CCDC27: variants seen among roughly 807,000 people sequenced by gnomAD.
CCDC27 encodes the protein coiled-coil domain containing 27.
Under a neutral mutation model 80.3 loss-of-function variants are expected in CCDC27, and 80 were observed. The observed-to-expected ratio is 1.00, with a 90% CI of 0.83 to 1.20. The LOEUF (loss-of-function observed/expected upper bound fraction) is 1.20, where lower values mean the gene tolerates loss of function less well. Among genes scored for constraint, CCDC27 ranks in the 50% most tolerant of loss-of-function variants. The probability of loss-of-function intolerance (pLI) is 0.00; values close to 1 mark genes in which losing one functional copy is unlikely to be tolerated. For missense variants in CCDC27, 815 were observed against 809.4 expected (o/e 1.01, Z -0.08); for synonymous variants, 342 against 334.3 (o/e 1.02, Z -0.25).
rs1048388341 is a variant in CCDC27, at chr1:3,760,028, T to C, written c.712-1253T>C. On this transcript the variant is annotated intron_variant, in intron 4 of 11. Coordinates refer to ENST00000294600, the MANE Select transcript of CCDC27 (RefSeq NM_152492.3). The surrounding 1 kb of genome is among the most constrained non-coding windows in gnomAD (Gnocchi z 4.3). ...CGTCTGGGCTGTCATAGATAAACTCTTCTCATTTGGTGGCAAGAGAGCCAC... is the reference window on the plus strand; with the variant it reads ...CGTCTGGGCTGTCATAGATAAACTCCTCTCATTTGGTGGCAAGAGAGCCAC... 6.6e-6 allele frequency among the ~76,000 whole-genome samples: 1 copy of C among 152,188 alleles called. No individual in the cohort carries two copies. The highest frequency in any genetic ancestry group is 6.5e-5 in the Admixed American group (1 of 15,278).
At chr1:3,767,808 G>A (rs1643269631) in intron 10 of CCDC27, among the ~76,000 whole-genome samples, 1 of 152,352 alleles carries the variant, frequency 6.6e-6, no homozygotes, top group Non-Finnish European at 1.5e-5. Flanking sequence ...GTCATAGCGT[G>A]CTTGCTGGAC....
chr1:3,756,730 C>G lies in CCDC27; in HGVS notation c.554-3C>G, dbSNP rs760794690. On this transcript the variant is annotated splice_polypyrimidine_tract_variant and splice_region_variant and intron_variant, in intron 3 of 11. Transcript: ENST00000294600. ...TCTCACTTGGCCTCCGCTGTCGCCA[C>G]AGGGTACCTCCTTCCCTTCAGTAAG... is the stretch of plus-strand genomic sequence containing the variant. The G allele has an allele frequency of 1.2e-6, 2 of 1,613,804 alleles. No individual in the cohort carries two copies. The highest frequency in any genetic ancestry group is 1.7e-4 in the Middle Eastern group (1 of 6,050).
At position 3,763,344 on chromosome 1, in the gene CCDC27, G is replaced by A; in HGVS notation, c.1191G>A (p.Arg397=). The A allele has an allele frequency of 6.2e-7, 1 of 1,613,060 alleles. No homozygotes were observed. Among genetic ancestry groups the A allele is most frequent in the Non-Finnish European group, 8.5e-7 (1 of 1,179,916 alleles). The change falls in exon 7 of 12, where the codon AGG becomes AGA. Residue 397 remains arginine, a synonymous_variant. Coordinates refer to ENST00000294600, the MANE Select transcript of CCDC27 (RefSeq NM_152492.3). The surrounding 1 kb of genome is among the most constrained non-coding windows in gnomAD (Gnocchi z 7.5). ...TGCCGGAGGAAGAGGAGATCCCCAG[G>A]AGAAGGGCCTCCTCCCTGGCCGAGT... ...RELPEEEEIP[R]RRASSLAESF...
In CCDC27 at chr1:3,771,452, G is replaced by A. The variant is rs200972300; in HGVS notation, c.1900G>A (p.Val634Ile). The A allele has an allele frequency of 2.1e-5, 34 of 1,614,046 alleles. No individual in the cohort carries two copies. Among genetic ancestry groups the A allele is most frequent in the Non-Finnish European group, 2.2e-5 (26 of 1,179,994 alleles). The part of the protein sequence containing the change: ...DYYNQLKQKG[V>I]KVPPLQQSEA... ...CTATAATCAGCTGAAGCAGAAAGGCGTCAAAGTGCCCCCCCTGCAACAGTC... is the reference window on the plus strand; with the variant it reads ...CTATAATCAGCTGAAGCAGAAAGGCATCAAAGTGCCCCCCCTGCAACAGTC... The change falls in exon 12 of 12, where the codon GTC becomes ATC. Residue 634 changes from valine (V) to isoleucine (I), a missense_variant. Transcript: ENST00000294600.
Position 3,769,275 on chromosome 1 carries a change from G to A in CCDC27, c.1744-508G>A, listed in dbSNP as rs59757565. 0.024 allele frequency among the ~76,000 whole-genome samples: 3,683 copies of A among 152,172 alleles called. 166 individuals are homozygous for A. Among genetic ancestry groups the A allele is most frequent in the African/African-American group, 0.084 (3,502 of 41,490 alleles). On this transcript the variant is annotated intron_variant, in intron 10 of 11. Transcript: ENST00000294600. This position sits in a 1 kb window ranked among gnomAD's most constrained non-coding sequence, Gnocchi z 4.6. ...AGAACGCCTTCTGGGTCTGTGCGCGGGGGCCAGGTTCAACGCTGCTGTCCA... is the reference window on the plus strand; with the variant it reads ...AGAACGCCTTCTGGGTCTGTGCGCGAGGGCCAGGTTCAACGCTGCTGTCCA...
At chr1:3,754,064 C>A in intron 1 of CCDC27, 54 bp from the exon 2 acceptor site, 1 of 1,594,684 alleles carries the variant, frequency 6.3e-7, no homozygotes, top group Non-Finnish European at 8.5e-7. Context: ...CTTGGATGGG[C>A]TGGCCTACAG....
At position 3,768,120 on chromosome 1, in the gene CCDC27, G is replaced by T. The variant is rs934267840; in HGVS notation, c.1743+675G>T. ...TTTTTTTTTTTTTTTTCTGAGACAG[G>T]GTCTTTCTCTGTCATCCAGTCTGGA... On this transcript the variant is annotated intron_variant, in intron 10 of 11. Coordinates refer to ENST00000294600, the MANE Select transcript of CCDC27 (RefSeq NM_152492.3). The surrounding 1 kb of genome is among the most constrained non-coding windows in gnomAD (Gnocchi z 5.6). Among the ~76,000 whole-genome samples, 1 of 147,612 alleles carries T rather than the reference G, an allele frequency of 6.8e-6. No homozygotes were observed. Among genetic ancestry groups the T allele is most frequent in the African/African-American group, 2.5e-5 (1 of 39,762 alleles).
chr1:3,762,378 GC>G (rs1643109405), intron 5 of CCDC27, among the ~76,000 whole-genome samples: 1 of 152,156 alleles, frequency 6.6e-6, no homozygotes, highest in Non-Finnish European at 1.5e-5. Context: ...TTACTGCAAG[GC>G]CACTTGCTGG....
chr1:3,769,730 C>A lies in CCDC27; in HGVS notation c.1744-53C>A. The A allele has an allele frequency of 7.7e-7, 1 of 1,294,728 alleles. No homozygotes were observed. 80.2% of individuals were successfully genotyped at this position (1,294,728 alleles called of 1,614,324 possible). On this transcript the variant is annotated intron_variant, in intron 10 of 11. Coordinates refer to ENST00000294600, the MANE Select transcript of CCDC27 (RefSeq NM_152492.3). The surrounding 1 kb of genome is among the most constrained non-coding windows in gnomAD (Gnocchi z 4.6). ...GGTGGTGGGGGGTGCAGCCCACTGG[C>A]CAGGTGCCTTCTTGGGTAAAGGCGA...
At chr1:3,759,397 G>A (rs1388285864) in intron 4 of CCDC27, among the ~76,000 whole-genome samples, 1 of 152,196 alleles carries the variant, frequency 6.6e-6, no homozygotes, top group African/African-American at 2.4e-5. Context: ...GATGCAGCTT[G>A]GGCAGGGTGG....
chr1:3,769,368 A>C lies in CCDC27; in HGVS notation c.1744-415A>C, dbSNP rs1643305673. ...CAGCAGCGCACTGTTAAATGCCTAAAGTGAGAGTGTCCCCAAGGGCCAGGA... is the reference window on the plus strand; with the variant it reads ...CAGCAGCGCACTGTTAAATGCCTAACGTGAGAGTGTCCCCAAGGGCCAGGA... On this transcript the variant is annotated intron_variant, in intron 10 of 11. Coordinates refer to ENST00000294600, the MANE Select transcript of CCDC27 (RefSeq NM_152492.3). The surrounding 1 kb of genome is among the most constrained non-coding windows in gnomAD (Gnocchi z 4.6). Among the ~76,000 whole-genome samples the C allele has an allele frequency of 6.6e-6, 1 of 152,158 alleles. No individual in the cohort carries two copies. Among genetic ancestry groups the C allele is most frequent in the South Asian group, 2.1e-4 (1 of 4,828 alleles).
At position 3,761,595 on chromosome 1, in the gene CCDC27, G is replaced by T. The variant is rs1643087397; in HGVS notation, c.861+165G>T. On this transcript the variant is annotated intron_variant, in intron 5 of 11. Transcript: ENST00000294600. This position sits in a 1 kb window ranked among gnomAD's most constrained non-coding sequence, Gnocchi z 5.0. ...CGGTTCTCAGGGTTCTGATCAACAGGCAGGGGAGAGGCGAACAGAGGCACG... is the reference window on the plus strand; with the variant it reads ...CGGTTCTCAGGGTTCTGATCAACAGTCAGGGGAGAGGCGAACAGAGGCACG... Among the ~76,000 whole-genome samples the T allele has an allele frequency of 1.3e-5, 2 of 152,304 alleles. No homozygotes were observed. The highest frequency in any genetic ancestry group is 4.1e-4 in the South Asian group (2 of 4,826).
At chr1:3,755,316 C>G in intron 2 of CCDC27, 141 bp from the exon 3 acceptor site, 1 of 708,824 alleles carries the variant, frequency 1.4e-6, no homozygotes, top group Non-Finnish European at 2.5e-6. Flanking sequence ...TTGGTTCAGC[C>G]CTTGCTCAGT....
At position 3,763,320 on chromosome 1, in the gene CCDC27, G is replaced by A. The variant is rs1387938639; in HGVS notation, c.1167G>A (p.Leu389=). The part of the protein sequence containing the change: ...DRDEDSEERE[L]PEEEEIPRRR... ...ATGAGGACTCAGAGGAAAGGGAGCT[G>A]CCGGAGGAAGAGGAGATCCCCAGGA... Residue 389 remains leucine, a synonymous_variant, in exon 7 of 12, where the codon CTG becomes CTA. Transcript: ENST00000294600. The surrounding 1 kb of genome is among the most constrained non-coding windows in gnomAD (Gnocchi z 7.5). The A allele has an allele frequency of 2.5e-6, 4 of 1,611,406 alleles. No homozygotes were observed. The highest frequency in any genetic ancestry group is 1.7e-5 in the Admixed American group (1 of 59,502).
At chr1:3,764,138 G>A (rs1221969948) in intron 8 of CCDC27, among the ~76,000 whole-genome samples, 1 of 152,198 alleles carries the variant, frequency 6.6e-6, no homozygotes, top group Non-Finnish European at 1.5e-5. Flanking sequence ...GCATCTCCTG[G>A]CCCCTGAGTC....
At position 3,755,456 on chromosome 1, in the gene CCDC27, G is replaced by C. The variant is rs904915029; in HGVS notation, c.443-1G>C. On this transcript the variant is annotated splice_acceptor_variant, in intron 2 of 11. Coordinates refer to ENST00000294600, the MANE Select transcript of CCDC27 (RefSeq NM_152492.3). LOFTEE classifies it high-confidence loss of function. Reference sequence around the variant, plus strand: ...CAGATGGCATCTTTAACACTCTACAGGTTCACCCACTGAGGCCGATTTGTC... The same window carrying C: ...CAGATGGCATCTTTAACACTCTACACGTTCACCCACTGAGGCCGATTTGTC... 6.2e-6 allele frequency: 10 copies of C among 1,613,624 alleles called. No homozygotes were observed. The African/African-American group carries it at 1.3e-4, about 22-fold the overall frequency.
rs1643288022 is a variant in CCDC27, at chr1:3,768,551, C to A, written c.1743+1106C>A. Among the ~76,000 whole-genome samples, 2 of 152,156 alleles carry A rather than the reference C, an allele frequency of 1.3e-5. No individual in the cohort carries two copies. Among genetic ancestry groups the A allele is most frequent in the Non-Finnish European group, 1.5e-5 (1 of 68,030 alleles). The stretch of plus-strand genomic sequence containing the variant: ...CTTCCGGCTGGGTCAGACTGAGGCA[C>A]CCACCCCTGGTATCCCTTGATAAAA... On this transcript the variant is annotated intron_variant, in intron 10 of 11. Transcript: ENST00000294600. The surrounding 1 kb of genome is among the most constrained non-coding windows in gnomAD (Gnocchi z 5.6).
intron 4 of CCDC27, among the ~76,000 whole-genome samples, chr1:3,758,621 G>A (rs1260347218): frequency 1.3e-5 from 2 of 152,114 alleles, no homozygotes; most frequent in African/African-American, 4.8e-5. Context: ...ATGAGACAAG[G>A]TCTCATTTTG....
In CCDC27 at chr1:3,768,263, A is replaced by G. The variant is rs1184997346; in HGVS notation, c.1743+818A>G. ...CAGGCATGTGCCACCATACCTGGCCAATTTTAAAAGCTTTTTGTAGAGACG... is the reference window on the plus strand; with the variant it reads ...CAGGCATGTGCCACCATACCTGGCCGATTTTAAAAGCTTTTTGTAGAGACG... On this transcript the variant is annotated intron_variant, in intron 10 of 11. Coordinates refer to ENST00000294600, the MANE Select transcript of CCDC27 (RefSeq NM_152492.3). The surrounding 1 kb of genome is among the most constrained non-coding windows in gnomAD (Gnocchi z 5.6). Among the ~76,000 whole-genome samples the G allele has an allele frequency of 5.3e-5, 8 of 152,022 alleles. No homozygotes were observed. In the East Asian group the frequency reaches 1.4e-3, roughly 26 times the overall value.
Sources: allele counts gnomAD v4.1 joint callset (sites outside exome capture counted in the v4.1 genomes callset), GRCh38; gene constraint gnomAD v4.1.1; non-coding constraint Gnocchi (gnomAD v3.1); transcripts MANE v1.5; gene names NCBI Gene and HGNC (gene_info 2026-07-23, HGNC 2026-07-21).